Variants in PLCH1 observed in about 807,000 individuals in gnomAD.
PLCH1 encodes the protein 1-phosphatidylinositol 4,5-bisphosphate phosphodiesterase eta-1.
A neutral mutation model predicts 126.7 loss-of-function variants in PLCH1; 60 were observed. The observed-to-expected ratio is 0.47, with a 90% confidence interval of 0.38 to 0.59. The LOEUF is 0.59. Among genes scored for constraint, PLCH1 ranks in the 20% least tolerant of loss-of-function variants. PLCH1 has a pLI of 0.00. For synonymous variants in PLCH1, 719 were observed against 734.9 expected (o/e 0.98, Z 0.35); for missense variants, 1,723 against 2,040.0 (o/e 0.84, Z 2.99).
At position 155,549,653 on chromosome 3, in the gene PLCH1, A is replaced by C. The variant is rs997515034; in HGVS notation, c.1362+134T>G. 7.8e-6 allele frequency: 5 copies of C among 637,328 alleles called. No individual in the cohort carries two copies. In the Admixed American group the frequency reaches 1.5e-4, roughly 20 times the overall value. The allele number at this position is 637,328 out of a possible 1,614,324, so 39.5% of individuals were successfully genotyped here. On this transcript the variant is annotated intron_variant, in intron 10 of 22. Coordinates refer to ENST00000460012, the MANE Select transcript of PLCH1 (RefSeq NM_014996.4). ...CTATAAAAAAATTGGAATAAGGCGC[A>C]TACATAGATCTAGACAATCCTTCAT...
At chr3:155,597,882 A>C (rs977631513) in intron 2 of PLCH1, among the ~76,000 whole-genome samples, 3 of 152,154 alleles carry the variant, frequency 2.0e-5, no homozygotes, top group Non-Finnish European at 4.4e-5. Context: ...ATTCCCAAAT[A>C]ATAAAATATT....
intron 2 of PLCH1, chr3:155,676,076 G>C (rs1195658953): frequency 1.4e-6 from 2 of 1,476,540 alleles, no homozygotes; most frequent in African/African-American, 1.4e-5. Context: ...GGCAAGAGCA[G>C]TACAATTTCT....
chr3:155,681,720 T>G (rs1378504212), intron 2 of PLCH1, among the ~76,000 whole-genome samples: 1 of 152,218 alleles, frequency 6.6e-6, no homozygotes, highest in Non-Finnish European at 1.5e-5. Context: ...AATGTAGCTA[T>G]GCAAACACAT....
chr3:155,573,321 C>A (rs924478778), intron 6 of PLCH1, among the ~76,000 whole-genome samples: 1 of 152,176 alleles, frequency 6.6e-6, no homozygotes, highest in Admixed American at 6.5e-5. Flanking sequence ...GGTCACTAAC[C>A]CTTGCATTCA....
chr3:155,529,146 C>T (rs1188008340), intron 10 of PLCH1, among the ~76,000 whole-genome samples: 1 of 152,054 alleles, frequency 6.6e-6, no homozygotes, highest in East Asian at 1.9e-4. Flanking sequence ...TTCCAGAGGT[C>T]CCTTTCTGAT....
chr3:155,482,499 A>G lies in PLCH1; in HGVS notation c.3527T>C (p.Val1176Ala). Residue 1176 changes from valine (V) to alanine (A), a missense_variant, in exon 23 of 23, where the codon GTC (valine) becomes GCC (alanine). By Grantham distance (64) the Val-to-Ala change is moderately conservative. Transcript: ENST00000460012. ...CGGCTCATTCTCATTTGTTAAAGTG[A>G]CATTGTCAATAAGATGGGAAATTAC... is the stretch of plus-strand genomic sequence containing the variant. Reference protein sequence around the residue: ...ESVISHLIDNVTLTNENEPGS... With the variant: ...ESVISHLIDNATLTNENEPGS... 1.9e-6 allele frequency: 3 copies of G among 1,614,158 alleles called. No homozygotes were observed. Among genetic ancestry groups the G allele is most frequent in the Non-Finnish European group, 2.5e-6 (3 of 1,180,016 alleles).
intron 21 of PLCH1, among the ~76,000 whole-genome samples, chr3:155,466,883 G>T (rs947188401): frequency 6.6e-6 from 1 of 152,028 alleles, no homozygotes; most frequent in African/African-American, 2.4e-5. Context: ...CTTTAATTGT[G>T]GACTTGATCA....
intron 21 of PLCH1, among the ~76,000 whole-genome samples, chr3:155,453,486 A>G (rs1287086985): frequency 6.6e-6 from 1 of 152,230 alleles, no homozygotes; most frequent in East Asian, 1.9e-4. Context: ...TCTTCATTTC[A>G]AAATGAAAAG....
chr3:155,497,258 A>G, intron 15 of PLCH1, 62 bp downstream of exon 15: 1 of 1,182,592 alleles, frequency 8.5e-7, no homozygotes, highest in Non-Finnish European at 1.2e-6. Context: ...TTCATTAACA[A>G]TTGAAAAAGA....
chr3:155,727,911 A>G lies in PLCH1; in HGVS notation c.-41+16929T>C, dbSNP rs540585869. On this transcript the variant is annotated intron_variant, in intron 1 of 22. Transcript: ENST00000460012. ...GATTTTGTTTCTTTTTTTTTTTTCT[A>G]ATTCACACTTACATTAAAGCAGAAG... Among the ~76,000 whole-genome samples the G allele has an allele frequency of 2.7e-5, 4 of 150,412 alleles. No individual in the cohort carries two copies. In the South Asian group the frequency reaches 8.3e-4, roughly 31 times the overall value.
At position 155,549,826 on chromosome 3, in the gene PLCH1, A is replaced by G; in HGVS notation, c.1323T>C (p.Leu441=). ...SSVDTGECKQ[L]PSPQSLKGKI... ...TGCCTTTCAAACTTTGAGGGCTTGG[A>G]AGCTGCTTGCACTCCCCTGTATCAA... The change falls in exon 10 of 23, where the codon CTT becomes CTC. Residue 441 remains leucine (L), a synonymous_variant. Coordinates refer to ENST00000460012, the MANE Select transcript of PLCH1 (RefSeq NM_014996.4). The G allele has an allele frequency of 1.2e-6, 2 of 1,613,776 alleles. No homozygotes were observed. The highest frequency in any genetic ancestry group is 8.5e-7 in the Non-Finnish European group (1 of 1,179,872).
At chr3:155,622,185 A>G (rs1223446847) in intron 2 of PLCH1, among the ~76,000 whole-genome samples, 1 of 152,212 alleles carries the variant, frequency 6.6e-6, no homozygotes, top group Non-Finnish European at 1.5e-5. Flanking sequence ...AAAGAGAAAT[A>G]AAATCCTTTA....
At position 155,539,278 on chromosome 3, in the gene PLCH1, A is replaced by C. The variant is rs186385047; in HGVS notation, c.1362+10509T>G. ...CTTAAGGTAATAAAAGCCATCTATG[A>C]CAAACCCACAGCCAACATTATACTG... On this transcript the variant is annotated intron_variant, in intron 10 of 22. Transcript: ENST00000460012. Among the ~76,000 whole-genome samples, 403 of 152,328 alleles carry C rather than the reference A, an allele frequency of 2.6e-3. 2 individuals are homozygous for C. Among genetic ancestry groups the C allele is most frequent in the Middle Eastern group, 3.4e-3 (1 of 294 alleles).
intron 21 of PLCH1, among the ~76,000 whole-genome samples, chr3:155,453,685 T>G (rs1014014210): frequency 4.6e-5 from 7 of 151,926 alleles, no homozygotes; most frequent in African/African-American, 1.7e-4. Context: ...GATTTTGACA[T>G]GAGTTATTTT....
intron 8 of PLCH1, among the ~76,000 whole-genome samples, chr3:155,559,576 G>A (rs1727302369): frequency 6.6e-6 from 1 of 152,114 alleles, no homozygotes; most frequent in South Asian, 2.1e-4. Context: ...TCCAGTTATA[G>A]ATTATTCTAA....
At chr3:155,500,651 G>A in intron 14 of PLCH1, 52 bp downstream of exon 14, 1 of 1,064,716 alleles carries the variant, frequency 9.4e-7, no homozygotes, top group Non-Finnish European at 1.4e-6. Flanking sequence ...AAGCTGACAA[G>A]GATGGAGGGG....
chr3:155,502,161 T>C (rs1461599227), intron 13 of PLCH1, among the ~76,000 whole-genome samples: 1 of 152,236 alleles, frequency 6.6e-6, no homozygotes, highest in Non-Finnish European at 1.5e-5. Context: ...ATGGAAGCCC[T>C]ACCATTTGAT....
At chr3:155,587,832 T>C (rs1731586367) in intron 4 of PLCH1, among the ~76,000 whole-genome samples, 1 of 152,202 alleles carries the variant, frequency 6.6e-6, no homozygotes, top group South Asian at 2.1e-4. Flanking sequence ...TTCAAATGGA[T>C]GATTCATAGT....
At chr3:155,599,499 G>A (rs1217622782) in intron 2 of PLCH1, among the ~76,000 whole-genome samples, 1 of 152,136 alleles carries the variant, frequency 6.6e-6, no homozygotes. Flanking sequence ...AGGTTGTGGG[G>A]GGACTGGGGA....
Sources: gnomAD v4.1 joint callset for allele counts (sites outside exome capture counted in the v4.1 genomes callset) on GRCh38, gnomAD v4.1.1 for gene constraint, MANE v1.5 for transcripts, NCBI Gene and HGNC (gene_info 2026-07-23, HGNC 2026-07-21) for gene names.